Variants in CFDP1 observed in about 807,000 individuals in gnomAD.
CFDP1 encodes chromatin remodeling protein CFDP1, also known as heterochromatin-stabilizing protein CFDP1.
In CFDP1, 31 loss-of-function variants were observed where a neutral mutation model predicts 40.1. That is an observed-to-expected ratio of 0.77 (90% CI 0.58 to 1.04). CFDP1 has a LOEUF of 1.04. CFDP1 is among the 50% of genes least tolerant of loss of function. The pLI is 0.00. For missense variants in CFDP1, 423 were observed against 343.4 expected (o/e 1.23, Z -1.83); for synonymous variants, 167 against 120.0 (o/e 1.39, Z -2.56).
At chr16:75,346,972 G>A (rs996239124) in intron 5 of CFDP1, among the ~76,000 whole-genome samples, 2 of 152,026 alleles carry the variant, frequency 1.3e-5, no homozygotes, top group Non-Finnish European at 2.9e-5. Flanking sequence ...AATGCGTCCC[G>A]GGAGCAGGAG....
chr16:75,314,759 A>T (rs12445188), intron 5 of CFDP1, among the ~76,000 whole-genome samples: 113,532 of 152,122 alleles, frequency 0.75, 42,526 homozygotes, highest in Admixed American at 0.8. Flanking sequence ...TTATTTTATA[A>T]ATTTATTTTT....
At chr16:75,413,741 G>A (rs1297873022) in intron 2 of CFDP1, among the ~76,000 whole-genome samples, 1 of 152,068 alleles carries the variant, frequency 6.6e-6, no homozygotes, top group Admixed American at 6.6e-5. Context: ...ACCCAAGTGA[G>A]GTAAAAGACT....
chr16:75,320,588 G>A (rs1597329168), intron 5 of CFDP1, among the ~76,000 whole-genome samples: 1 of 152,212 alleles, frequency 6.6e-6, no homozygotes, highest in Admixed American at 6.5e-5. Flanking sequence ...CTCTGACCCA[G>A]GGCTCCTCAC....
intron 5 of CFDP1, among the ~76,000 whole-genome samples, chr16:75,365,992 C>A (rs2078711186): frequency 6.6e-6 from 1 of 152,134 alleles, no homozygotes; most frequent in South Asian, 2.1e-4. Flanking sequence ...CTTAAAATTT[C>A]TTTGAAAATA....
intron 5 of CFDP1, among the ~76,000 whole-genome samples, chr16:75,307,432 G>A (rs1012556264): frequency 3.9e-5 from 6 of 151,990 alleles, no homozygotes; most frequent in African/African-American, 1.5e-4. Flanking sequence ...GGGCAGGCTG[G>A]TCTCAAACTC....
At chr16:75,423,763 C>G (rs536593711) in intron 1 of CFDP1, among the ~76,000 whole-genome samples, 1 of 152,304 alleles carries the variant, frequency 6.6e-6, no homozygotes, top group South Asian at 2.1e-4. Flanking sequence ...ATCCGCCCAC[C>G]TCGGCCTCCC....
intron 1 of CFDP1, among the ~76,000 whole-genome samples, chr16:75,425,983 C>G (rs1046641154): frequency 7.9e-5 from 10 of 127,186 alleles, no homozygotes; most frequent in African/African-American, 3.1e-4. Flanking sequence ...TTGCAGCGAG[C>G]TGAGATCATG....
At chr16:75,324,138 C>T (rs2078386491) in intron 5 of CFDP1, among the ~76,000 whole-genome samples, 1 of 151,862 alleles carries the variant, frequency 6.6e-6, no homozygotes, top group East Asian at 1.9e-4. Flanking sequence ...TAAAGATACA[C>T]AAACAAGCAA....
intron 5 of CFDP1, among the ~76,000 whole-genome samples, chr16:75,309,689 AGG>A: frequency 6.6e-6 from 1 of 151,360 alleles, no homozygotes; most frequent in Non-Finnish European, 1.5e-5. Context: ...GCGTGGTGGC[AGG>A]CGCCTGTAGT....
chr16:75,315,443 G>T (rs1289465239), intron 5 of CFDP1, among the ~76,000 whole-genome samples: 6 of 151,410 alleles, frequency 4.0e-5, no homozygotes, highest in Non-Finnish European at 8.8e-5. Context: ...GAACCTTGAG[G>T]CTGACTCTTG....
chr16:75,417,684 A>C (rs777680573), intron 1 of CFDP1, among the ~76,000 whole-genome samples: 1 of 152,178 alleles, frequency 6.6e-6, no homozygotes, highest in Non-Finnish European at 1.5e-5. Context: ...AATCTCTTAA[A>C]TTCAAAAGTT....
chr16:75,329,479 C>T (rs2078429210), intron 5 of CFDP1, among the ~76,000 whole-genome samples: 1 of 152,106 alleles, frequency 6.6e-6, no homozygotes, highest in African/African-American at 2.4e-5. Context: ...CTTAATTGAT[C>T]TTAGTCTCTT....
At chr16:75,369,854 G>A (rs750106327) in intron 5 of CFDP1, among the ~76,000 whole-genome samples, 12 of 152,074 alleles carry the variant, frequency 7.9e-5, no homozygotes, top group Middle Eastern at 3.4e-3. Context: ...CCAGGTTCAC[G>A]TTCAAGCGAT....
intron 5 of CFDP1, among the ~76,000 whole-genome samples, chr16:75,312,218 TATTAGGGAGCTA>T (rs1379273459): frequency 6.6e-6 from 1 of 152,176 alleles, no homozygotes; most frequent in East Asian, 1.9e-4. Flanking sequence ...ACTGATGGCA[TATTAGGGAGCTA>T]GTTTAACTCC....
At chr16:75,392,946 G>C (rs1359106282) in intron 5 of CFDP1, among the ~76,000 whole-genome samples, 2 of 152,214 alleles carry the variant, frequency 1.3e-5, no homozygotes, top group Admixed American at 6.5e-5. Context: ...CTTCTGCTCA[G>C]TGGGAGAGAA....
Position 75,433,381 on chromosome 16 carries a change from C to T in CFDP1, c.-29G>A. 1 of 1,571,232 alleles carries T rather than the reference C, an allele frequency of 6.4e-7. No individual in the cohort carries two copies. Among genetic ancestry groups the T allele is most frequent in the Non-Finnish European group, 8.6e-7 (1 of 1,158,392 alleles). ...GCTGCCGCTCGACGCTGGTCAAACT[C>T]ACAAGACCGCAGCAGCCGCCTCCAA... On this transcript the variant is annotated 5_prime_UTR_variant, in exon 1 of 7. The change abolishes the stop of an existing upstream ORF in the 5' untranslated region. Transcript: ENST00000283882.
At chr16:75,386,016 T>C (rs778321591) in intron 5 of CFDP1, among the ~76,000 whole-genome samples, 3 of 152,156 alleles carry the variant, frequency 2.0e-5, no homozygotes, top group Non-Finnish European at 4.4e-5. Context: ...ACCAAGGGTA[T>C]AGGAATACGG....
At chr16:75,325,118 G>C (rs2078393242) in intron 5 of CFDP1, 1 of 152,322 alleles carries the variant, frequency 6.6e-6, no homozygotes, top group African/African-American at 2.4e-5. Context: ...GTATGCCTAT[G>C]ACCCCCAAAT....
intron 5 of CFDP1, among the ~76,000 whole-genome samples, chr16:75,351,427 TGTTTTGTTATG>T (rs2078609861): frequency 6.6e-6 from 1 of 152,220 alleles, no homozygotes; most frequent in African/African-American, 2.4e-5. Context: ...GGGCCTGGAA[TGTTTTGTTATG>T]CCATACAGGG....
Sources: allele counts gnomAD v4.1 joint callset (sites outside exome capture counted in the v4.1 genomes callset), GRCh38; gene constraint gnomAD v4.1.1; transcripts MANE v1.5; gene names NCBI Gene and HGNC (gene_info 2026-07-23, HGNC 2026-07-21).